ACBD6: variants seen among roughly 807,000 people sequenced by gnomAD.
ACBD6 encodes the protein acyl-CoA binding domain containing 6, also known as acyl-CoA-binding domain-containing protein 6.
Under a neutral mutation model 37.2 loss-of-function variants are expected in ACBD6, and 28 were observed. That is an observed-to-expected ratio of 0.75 (90% CI 0.56 to 1.03). The LOEUF is 1.03. Ranked by LOEUF, ACBD6 falls within the 50% of genes least tolerant of loss-of-function variation. The pLI is 0.00. For synonymous variants in ACBD6, 113 were observed against 126.8 expected, an observed-to-expected ratio of 0.89 and a Z score of 0.73; for missense variants, 340 against 337.4, an observed-to-expected ratio of 1.01 and a Z score of -0.06.
At chr1:180,372,821 C>T (rs1344785658) in intron 6 of ACBD6, among the ~76,000 whole-genome samples, 1 of 152,164 alleles carries the variant, frequency 6.6e-6, no homozygotes, top group African/African-American at 2.4e-5. Flanking sequence ...ATGGCATGCT[C>T]AAGACTTTGC....
At chr1:180,473,441 C>T (rs1248204818) in intron 3 of ACBD6, among the ~76,000 whole-genome samples, 1 of 121,070 alleles carries the variant, frequency 8.3e-6, no homozygotes, top group African/African-American at 3.3e-5. Flanking sequence ...AGCGAGACTC[C>T]GTCTCAAAAA....
chr1:180,383,226 A>T (rs1049418784), intron 6 of ACBD6, among the ~76,000 whole-genome samples: 6 of 152,206 alleles, frequency 3.9e-5, no homozygotes, highest in Admixed American at 3.3e-4. Context: ...AAAACCATCC[A>T]AACAGGAAAA....
At chr1:180,408,221 C>G (rs1647706301) in intron 5 of ACBD6, among the ~76,000 whole-genome samples, 1 of 152,160 alleles carries the variant, frequency 6.6e-6, no homozygotes, top group South Asian at 2.1e-4. Flanking sequence ...CAATCCACAG[C>G]TTAGCAATGA....
chr1:180,418,194 G>A (rs1371365531), intron 4 of ACBD6, among the ~76,000 whole-genome samples: 1 of 151,862 alleles, frequency 6.6e-6, no homozygotes, highest in Non-Finnish European at 1.5e-5. Flanking sequence ...AATCATACAG[G>A]CAGGCATATA....
downstream of ACBD6, among the ~76,000 whole-genome samples, chr1:180,285,728 A>T (rs1649475791): frequency 6.6e-6 from 1 of 152,164 alleles, no homozygotes; most frequent in Non-Finnish European, 1.5e-5. Context: ...CAAGTAGTTA[A>T]ATCTGGCAGG....
chr1:180,470,625 G>A (rs542125064), intron 3 of ACBD6, among the ~76,000 whole-genome samples: 5 of 152,280 alleles, frequency 3.3e-5, no homozygotes, highest in Non-Finnish European at 7.4e-5. Context: ...ACAGTGCCTA[G>A]AAGATCTCAA....
At chr1:180,331,514 A>T (rs1291456482) in intron 6 of ACBD6, among the ~76,000 whole-genome samples, 3 of 152,146 alleles carry the variant, frequency 2.0e-5, no homozygotes, top group Non-Finnish European at 4.4e-5. Context: ...TGTCTGTTCC[A>T]CTTTGACTAT....
chr1:180,376,137 T>C (rs1391522075), intron 6 of ACBD6, among the ~76,000 whole-genome samples: 2 of 118,272 alleles, frequency 1.7e-5, no homozygotes, highest in African/African-American at 2.5e-5. Context: ...TGAGATGCCA[T>C]TTCTCTATCA....
intron 4 of ACBD6, among the ~76,000 whole-genome samples, chr1:180,414,284 G>A (rs1558289385): frequency 6.6e-6 from 1 of 152,188 alleles, no homozygotes; most frequent in African/African-American, 2.4e-5. Flanking sequence ...CCCATATGTG[G>A]ACTGAATTTT....
exon 10 of ACBD6, chr1:180,274,776 A>G (rs1648925300): frequency 1.6e-6 from 1 of 631,682 alleles, no homozygotes; most frequent in Non-Finnish European, 2.7e-6. Context: ...GTGGGAGAGC[A>G]GACTCATCTC....
At chr1:180,400,175 T>C (rs1229197623) in intron 5 of ACBD6, among the ~76,000 whole-genome samples, 2 of 152,174 alleles carry the variant, frequency 1.3e-5, no homozygotes, top group African/African-American at 2.4e-5. Flanking sequence ...AAATTTCCCA[T>C]ATTTTAAATT....
At chr1:180,343,399 C>T (rs1440964322) in intron 6 of ACBD6, among the ~76,000 whole-genome samples, 10 of 152,220 alleles carry the variant, frequency 6.6e-5, no homozygotes, top group Non-Finnish European at 4.4e-5. Context: ...GCAAGAAGTA[C>T]CCATAATCCT....
chr1:180,384,319 T>C (rs972854880), intron 6 of ACBD6, among the ~76,000 whole-genome samples: 2 of 151,928 alleles, frequency 1.3e-5, no homozygotes, highest in Non-Finnish European at 2.9e-5. Flanking sequence ...AAAAAAATAA[T>C]AATCCTATTA....
intron 3 of ACBD6, chr1:180,434,859 G>C: frequency 1.3e-6 from 1 of 753,506 alleles, no homozygotes; most frequent in Non-Finnish European, 2.5e-6. Flanking sequence ...TCTTCACCAA[G>C]GGTTATGGAT....
chr1:180,457,328 A>T (rs890970485), intron 3 of ACBD6, among the ~76,000 whole-genome samples: 3 of 152,184 alleles, frequency 2.0e-5, no homozygotes, highest in African/African-American at 7.2e-5. Context: ...CATATGGTAA[A>T]TCCTGCTTAC....
intron 4 of ACBD6, among the ~76,000 whole-genome samples, chr1:180,429,719 CAAATT>C (rs1648735372): frequency 6.6e-6 from 1 of 151,766 alleles, no homozygotes; most frequent in South Asian, 2.1e-4. Context: ...TAATTTACAG[CAAATT>C]AAATTAACTT....
Position 180,502,421 on chromosome 1 carries a change from C to G in ACBD6, c.-155G>C. 3.8e-6 allele frequency: 3 copies of G among 791,126 alleles called. No homozygotes were observed. Among genetic ancestry groups the G allele is most frequent in the Non-Finnish European group, 6.4e-6 (3 of 467,372 alleles). 49.0% of individuals were successfully genotyped at this position (791,126 alleles called of 1,614,324 possible). ...CGGCGCGCTCCCTCACGTGACCCTG[C>G]TCCCTGCCCACTTCTACTCCCTGGG... On this transcript the variant is annotated 5_prime_UTR_variant, in exon 1 of 8. Coordinates refer to ENST00000367595, the MANE Select transcript of ACBD6 (RefSeq NM_032360.4).
chr1:180,446,072 G>T (rs1330286966), intron 3 of ACBD6, among the ~76,000 whole-genome samples: 1 of 151,992 alleles, frequency 6.6e-6, no homozygotes, highest in Non-Finnish European at 1.5e-5. Flanking sequence ...GGTGATCTTG[G>T]CTCATTCAAC....
intron 3 of ACBD6, among the ~76,000 whole-genome samples, chr1:180,434,472 T>C (rs1037552335): frequency 3.3e-5 from 5 of 152,222 alleles, no homozygotes; most frequent in African/African-American, 4.8e-5. Flanking sequence ...TGAAGAATCT[T>C]TTAAAGATCT....
Sources: gnomAD v4.1 joint callset for allele counts (sites outside exome capture counted in the v4.1 genomes callset) on GRCh38, gnomAD v4.1.1 for gene constraint, MANE v1.5 for transcripts, NCBI Gene and HGNC (gene_info 2026-07-23, HGNC 2026-07-21) for gene names.